ATP10B: variants seen among roughly 807,000 people sequenced by gnomAD.
ATP10B encodes the protein ATPase phospholipid transporting 10B (putative).
Under a neutral mutation model 141.2 loss-of-function variants are expected in ATP10B, and 122 were observed. That is an observed-to-expected ratio of 0.86 (90% confidence interval 0.75 to 1.00). The LOEUF is 1.00. Among genes scored for constraint, ATP10B ranks in the 50% least tolerant of loss-of-function variants. The probability of loss-of-function intolerance (pLI) is 0.00; values close to 1 mark genes in which losing one functional copy is unlikely to be tolerated. For missense variants in ATP10B, 1,876 were observed against 1,825.3 expected (o/e 1.03, Z -0.51); for synonymous variants, 685 against 692.0 (o/e 0.99, Z 0.16).
chr5:160,821,194 A>G (rs1169287075), intron 1 of ATP10B, among the ~76,000 whole-genome samples: 1 of 152,158 alleles, frequency 6.6e-6, no homozygotes, highest in Non-Finnish European at 1.5e-5. Context: ...ACATACAATA[A>G]TCAGTAGCAT....
At chr5:160,819,165 A>G (rs546835899) in intron 1 of ATP10B, among the ~76,000 whole-genome samples, 129 of 152,210 alleles carry the variant, frequency 8.5e-4, no homozygotes, top group African/African-American at 3.1e-3. Flanking sequence ...AAAAGAAGGA[A>G]TCTTAAAAGC....
chr5:160,839,292 G>A (rs905722214), intron 1 of ATP10B, among the ~76,000 whole-genome samples: 10 of 152,134 alleles, frequency 6.6e-5, no homozygotes, highest in African/African-American at 2.2e-4. Flanking sequence ...TTAGGATGAC[G>A]AAGAAAGTTC....
intron 1 of ATP10B, among the ~76,000 whole-genome samples, chr5:160,850,134 G>A (rs1346803464): frequency 2.0e-5 from 3 of 152,090 alleles, no homozygotes; most frequent in African/African-American, 7.2e-5. Flanking sequence ...ACTGGGCCAG[G>A]TGCGGTGCTT....
chr5:160,626,343 T>C (rs1477521056), intron 13 of ATP10B, among the ~76,000 whole-genome samples: 1 of 152,188 alleles, frequency 6.6e-6, no homozygotes, highest in African/African-American at 2.4e-5. Context: ...AGGGTCCTAT[T>C]ATCATTAGAT....
At chr5:160,853,398 C>T (rs916173265), upstream of ATP10B, among the ~76,000 whole-genome samples, 1 of 152,096 alleles carries the variant, frequency 6.6e-6, no homozygotes, top group South Asian at 2.1e-4. Context: ...CCCCTTGTGC[C>T]ATGGAGGAGA....
At chr5:160,706,195 A>G (rs1400704248) in intron 3 of ATP10B, among the ~76,000 whole-genome samples, 1 of 152,224 alleles carries the variant, frequency 6.6e-6, no homozygotes, top group Admixed American at 6.5e-5. Context: ...CAAGGTTTAA[A>G]ATATTGTGAG....
chr5:160,566,266 G>A (rs1581122642), intron 25 of ATP10B, among the ~76,000 whole-genome samples: 1 of 152,206 alleles, frequency 6.6e-6, no homozygotes, highest in Non-Finnish European at 1.5e-5. Flanking sequence ...TTGAGCTATG[G>A]TCAGAACCAC....
intron 1 of ATP10B, among the ~76,000 whole-genome samples, 190 bp downstream of exon 1, chr5:160,851,751 T>C (rs1055474181): frequency 3.9e-5 from 6 of 152,294 alleles, no homozygotes; most frequent in South Asian, 2.1e-4. Flanking sequence ...ATGAAATCAA[T>C]TGACGAAAAA....
chr5:160,598,377 G>A (rs1756868239), intron 22 of ATP10B, among the ~76,000 whole-genome samples: 1 of 151,858 alleles, frequency 6.6e-6, no homozygotes, highest in African/African-American at 2.4e-5. Context: ...TCACACTCTG[G>A]GGACTGTTGT....
chr5:160,836,441 G>A (rs750408472), intron 1 of ATP10B, among the ~76,000 whole-genome samples: 7 of 152,038 alleles, frequency 4.6e-5, no homozygotes, highest in African/African-American at 7.2e-5. Context: ...TATTGCAGAG[G>A]ACTAAATGAG....
chr5:160,824,796 C>T (rs1372192642), intron 1 of ATP10B, among the ~76,000 whole-genome samples: 1 of 152,016 alleles, frequency 6.6e-6, no homozygotes, highest in East Asian at 1.9e-4. Context: ...CATTGTTATG[C>T]AATGCATGAC....
At chr5:160,621,636 T>C (rs771326869) in intron 14 of ATP10B, among the ~76,000 whole-genome samples, 2 of 152,236 alleles carry the variant, frequency 1.3e-5, no homozygotes, top group South Asian at 4.1e-4. Context: ...CTGGGCATAA[T>C]GAAGGGAGGT....
At chr5:160,611,205 G>A (rs1445544032) in intron 18 of ATP10B, among the ~76,000 whole-genome samples, 1 of 152,158 alleles carries the variant, frequency 6.6e-6, no homozygotes, top group African/African-American at 2.4e-5. Context: ...ATTCGTCATT[G>A]ACTGAATTAA....
chr5:160,783,408 CTATCCATGGATATAT>C (rs1561848605), intron 2 of ATP10B, among the ~76,000 whole-genome samples: 106 of 109,664 alleles, frequency 9.7e-4, no homozygotes, highest in African/African-American at 3.5e-3. Context: ...ATGGATATAT[CTATCCATGGATATAT>C]CCATGGATAG....
chr5:160,597,611 C>A (rs566089858), intron 22 of ATP10B, among the ~76,000 whole-genome samples: 6 of 151,942 alleles, frequency 3.9e-5, no homozygotes, highest in Admixed American at 2.0e-4. Context: ...AACAGGCAAC[C>A]TACAAAATGG....
chr5:160,698,273 C>T (rs1428826510), intron 3 of ATP10B, among the ~76,000 whole-genome samples: 1 of 152,108 alleles, frequency 6.6e-6, no homozygotes, highest in African/African-American at 2.4e-5. Context: ...ACCTCTCTTT[C>T]ATTTACTACA....
chr5:160,662,870 T>C (rs1762036406), intron 7 of ATP10B, among the ~76,000 whole-genome samples: 1 of 152,176 alleles, frequency 6.6e-6, no homozygotes, highest in East Asian at 1.9e-4. Flanking sequence ...ACCTACAGAA[T>C]GGGAGAAAAT....
At chr5:160,588,939 G>A (rs540495865) in intron 24 of ATP10B, among the ~76,000 whole-genome samples, 2 of 152,234 alleles carry the variant, frequency 1.3e-5, no homozygotes, top group African/African-American at 4.8e-5. Context: ...TAAATGGGGA[G>A]AATTCCTCCC....
intron 7 of ATP10B, among the ~76,000 whole-genome samples, chr5:160,669,981 G>A (rs1404825885): frequency 6.9e-6 from 1 of 145,516 alleles, no homozygotes; most frequent in South Asian, 2.3e-4. Context: ...CTGTTGAGAA[G>A]TTAAGGAATA....
Sources: allele counts gnomAD v4.1 joint callset (sites outside exome capture counted in the v4.1 genomes callset), GRCh38; gene constraint gnomAD v4.1.1; transcripts MANE v1.5; gene names NCBI Gene and HGNC (gene_info 2026-07-23, HGNC 2026-07-21).